RSF1: variants seen among roughly 807,000 people sequenced by gnomAD.
The protein encoded by RSF1 is remodeling and spacing factor 1.
Under a neutral mutation model 145.2 loss-of-function variants are expected in RSF1, and 13 were observed. The ratio of observed to expected loss-of-function variants is 0.09; its 90% confidence interval spans 0.06 to 0.14. RSF1 has a LOEUF of 0.14. RSF1 is among the 10% of genes least tolerant of loss of function. The probability of loss-of-function intolerance (pLI) is 1.00; values close to 1 mark genes in which losing one functional copy is unlikely to be tolerated. For missense variants in RSF1, 1,517 were observed against 1,718.2 expected, an observed-to-expected ratio of 0.88 and a Z score of 2.07; for synonymous variants, 577 against 592.6, an observed-to-expected ratio of 0.97 and a Z score of 0.38.
intron 4 of RSF1, among the ~76,000 whole-genome samples, chr11:77,735,815 C>G (rs1379000187): frequency 6.6e-6 from 1 of 152,206 alleles, no homozygotes; most frequent in East Asian, 1.9e-4. Context: ...TCTTGGCTCA[C>G]TGCAACCTCT....
chr11:77,715,091 T>C (rs1960775663), intron 5 of RSF1, among the ~76,000 whole-genome samples: 1 of 152,188 alleles, frequency 6.6e-6, no homozygotes, highest in Non-Finnish European at 1.5e-5. Context: ...GACACTGTAT[T>C]CTATCCTGGG....
chr11:77,736,908 T>C (rs1961367151), intron 4 of RSF1, among the ~76,000 whole-genome samples: 1 of 152,214 alleles, frequency 6.6e-6, no homozygotes, highest in South Asian at 2.1e-4. Context: ...TGTAATAGAA[T>C]TTATAAATTT....
chr11:77,678,386 T>G (rs1288172498), intron 11 of RSF1, among the ~76,000 whole-genome samples: 1 of 152,016 alleles, frequency 6.6e-6, no homozygotes, highest in African/African-American at 2.4e-5. Context: ...CCAGCTAATT[T>G]TTGTACTTTT....
intron 1 of RSF1, among the ~76,000 whole-genome samples, chr11:77,815,857 C>G (rs541391848): frequency 6.6e-6 from 1 of 152,128 alleles, no homozygotes; most frequent in Non-Finnish European, 1.5e-5. Flanking sequence ...TACCTTCTTA[C>G]CGGTGAGGTC....
intron 1 of RSF1, among the ~76,000 whole-genome samples, chr11:77,792,369 C>A (rs974495887): frequency 5.3e-5 from 8 of 152,146 alleles, no homozygotes; most frequent in Admixed American, 2.0e-4. Context: ...CCCACCCCCA[C>A]TCTCCCAGCC....
At chr11:77,685,389 G>A (rs1046128411) in intron 9 of RSF1, among the ~76,000 whole-genome samples, 4 of 152,098 alleles carry the variant, frequency 2.6e-5, no homozygotes, top group African/African-American at 9.7e-5. Flanking sequence ...TCTACTTCCC[G>A]GGTTCAAGTG....
intron 9 of RSF1, among the ~76,000 whole-genome samples, chr11:77,687,978 C>T: frequency 6.6e-6 from 1 of 152,106 alleles, no homozygotes; most frequent in East Asian, 1.9e-4. Flanking sequence ...TAGTGGTTTA[C>T]ATTCTTGGCT....
chr11:77,829,568 G>A, the RSF1 span: 1 of 152,184 alleles, frequency 6.6e-6, no homozygotes, highest in Admixed American at 6.5e-5. Flanking sequence ...AGAAAAGAAT[G>A]AAGTTGAACC....
At chr11:77,816,395 AAGTT>A (rs1948782320) in intron 1 of RSF1, among the ~76,000 whole-genome samples, 1 of 152,252 alleles carries the variant, frequency 6.6e-6, no homozygotes, top group Non-Finnish European at 1.5e-5. Flanking sequence ...AGACCATAGT[AAGTT>A]ATAGTTACAA....
rs114666677 is a variant in RSF1, at chr11:77,751,693, A to G, written c.280-4565T>C. ...AACAACGCTCTTAGCTTCTTTTTAA[A>G]TTTTTCACTTCCATAACTTGACTAA... is the stretch of plus-strand genomic sequence containing the variant. On this transcript the variant is annotated intron_variant, in intron 2 of 15. Coordinates refer to ENST00000308488, the MANE Select transcript of RSF1 (RefSeq NM_016578.4). Among the ~76,000 whole-genome samples, 723 of 152,108 alleles carry G rather than the reference A, an allele frequency of 4.8e-3. 5 individuals carry two copies. The highest frequency in any genetic ancestry group is 0.017 in the African/African-American group (704 of 41,500).
chr11:77,757,619 A>T (rs1190733912), intron 2 of RSF1, among the ~76,000 whole-genome samples: 1 of 152,232 alleles, frequency 6.6e-6, no homozygotes, highest in East Asian at 1.9e-4. Flanking sequence ...CGGAGGTTGC[A>T]GTGAGCCAAG....
chr11:77,755,223 A>G (rs796139624), intron 2 of RSF1, among the ~76,000 whole-genome samples: 7 of 152,304 alleles, frequency 4.6e-5, no homozygotes, highest in African/African-American at 1.7e-4. Context: ...AAACTAGGAA[A>G]CCAACCTGAA....
intron 5 of RSF1, among the ~76,000 whole-genome samples, chr11:77,710,536 C>T (rs545224409): frequency 7.9e-5 from 12 of 152,268 alleles, no homozygotes; most frequent in Middle Eastern, 3.4e-3. Flanking sequence ...GACTACATTC[C>T]CATGTTCCTC....
At chr11:77,853,698 T>G in the RSF1 span, among the ~76,000 whole-genome samples, 2 of 152,084 alleles carry the variant, frequency 1.3e-5, no homozygotes, top group African/African-American at 4.8e-5. Context: ...CCCAGCACTT[T>G]GGGAGGCCAA....
intron 5 of RSF1, among the ~76,000 whole-genome samples, chr11:77,715,194 G>A (rs922170665): frequency 2.6e-5 from 4 of 151,978 alleles, no homozygotes; most frequent in Admixed American, 2.6e-4. Flanking sequence ...TTAAAAAAAA[G>A]CAGCAGCACT....
At chr11:77,710,273 C>T (rs761598376) in intron 5 of RSF1, among the ~76,000 whole-genome samples, 17 of 151,998 alleles carry the variant, frequency 1.1e-4, no homozygotes, top group Non-Finnish European at 1.6e-4. Flanking sequence ...TGTATTACCT[C>T]ACAATATAAT....
intron 2 of RSF1, among the ~76,000 whole-genome samples, chr11:77,752,353 A>G (rs1191639142): frequency 6.6e-6 from 1 of 152,170 alleles, no homozygotes; most frequent in Non-Finnish European, 1.5e-5. Flanking sequence ...AAGGGGGAAC[A>G]TGGCACAGCT....
chr11:77,669,366 T>C (rs1959459341), intron 15 of RSF1, among the ~76,000 whole-genome samples: 1 of 152,200 alleles, frequency 6.6e-6, no homozygotes, highest in Admixed American at 6.5e-5. Flanking sequence ...ATCATATCAC[T>C]CTTTTGCTCA....
At chr11:77,785,795 G>A (rs1196980398) in intron 1 of RSF1, among the ~76,000 whole-genome samples, 4 of 138,494 alleles carry the variant, frequency 2.9e-5, no homozygotes, top group African/African-American at 1.1e-4. Flanking sequence ...GCATGGCGGC[G>A]GGCACCTGTA....
Sources: gnomAD v4.1 joint callset for allele counts (sites outside exome capture counted in the v4.1 genomes callset) on GRCh38, gnomAD v4.1.1 for gene constraint, MANE v1.5 for transcripts, NCBI Gene and HGNC (gene_info 2026-07-23, HGNC 2026-07-21) for gene names.